The following NDUFA5 variants were observed in gnomAD, a reference collection of about 807,000 sequenced individuals.
NDUFA5 encodes the protein NADH dehydrogenase [ubiquinone] 1 alpha subcomplex subunit 5.
In NDUFA5, 11 loss-of-function variants were observed where a neutral mutation model predicts 19.8. That is an observed-to-expected ratio of 0.56 (90% CI 0.35 to 0.92). The LOEUF (loss-of-function observed/expected upper bound fraction) is 0.92, where lower values mean the gene tolerates loss of function less well. Among genes scored for constraint, NDUFA5 ranks in the 40% least tolerant of loss-of-function variants. NDUFA5 has a pLI of 0.01. For synonymous variants in NDUFA5, 47 were observed against 46.8 expected, an observed-to-expected ratio of 1.00 and a Z score of -0.01; for missense variants, 109 against 134.2, an observed-to-expected ratio of 0.81 and a Z score of 0.93.
rs929806567 is a variant in NDUFA5 at position 123,540,437 on chromosome 7, C to A, written c.*1682G>T. 1 of 152,118 alleles carries A rather than the reference C, an allele frequency of 6.6e-6. No individual in the cohort carries two copies. Among genetic ancestry groups the A allele is most frequent in the Non-Finnish European group, 1.5e-5 (1 of 68,018 alleles). The allele number at this position is 152,118 out of a possible 1,614,324, so 9.4% of individuals were successfully genotyped here. A position where few individuals can be genotyped will look rare whatever the true frequency, so the allele number is the denominator to read the frequency against. ...ATATGACAAAAACACAGCAAGCCAT[C>A]TTTGTTTCTGTGTTGTCCAAAGGAC... On this transcript the variant is annotated 3_prime_UTR_variant, in exon 5 of 5. Coordinates refer to ENST00000355749, the MANE Select transcript of NDUFA5 (RefSeq NM_005000.5).
intron 1 of NDUFA5, 88 bp downstream of exon 1, chr7:123,557,687 T>C (rs1379475549): frequency 6.2e-7 from 1 of 1,613,922 alleles, no homozygotes; most frequent in African/African-American, 1.3e-5. Flanking sequence ...CCCGCGACAG[T>C]AGGGGTCAAC....
chr7:123,591,913 T>A, the NDUFA5 span, among the ~76,000 whole-genome samples: 1 of 152,256 alleles, frequency 6.6e-6, no homozygotes, highest in Non-Finnish European at 1.5e-5. Flanking sequence ...AATTTGGCTG[T>A]GAATCCTTCT....
the NDUFA5 span, among the ~76,000 whole-genome samples, chr7:123,575,508 T>C: frequency 2.0e-5 from 3 of 152,226 alleles, no homozygotes; most frequent in South Asian, 4.1e-4. Context: ...TGTGAGGGCA[T>C]ATAACATCAA....
chr7:123,598,651 A>C, the NDUFA5 span: 1 of 152,224 alleles, frequency 6.6e-6, no homozygotes, highest in Non-Finnish European at 1.5e-5. Context: ...CACATATTTG[A>C]TGAGTGCCAA....
the NDUFA5 span, among the ~76,000 whole-genome samples, chr7:123,566,326 A>C: frequency 6.6e-6 from 1 of 152,208 alleles, no homozygotes; most frequent in South Asian, 2.1e-4. Context: ...CACTGTCAAT[A>C]CCTCTATATT....
upstream of NDUFA5, among the ~76,000 whole-genome samples, chr7:123,559,857 CAAAAA>C (rs201033454): frequency 4.3e-5 from 2 of 46,498 alleles, no homozygotes; most frequent in Non-Finnish European, 9.9e-5. Context: ...TTCCGTCTCA[CAAAAA>C]AAAAAAAAAA....
chr7:123,594,231 C>T, the NDUFA5 span, among the ~76,000 whole-genome samples: 3 of 152,234 alleles, frequency 2.0e-5, no homozygotes, highest in African/African-American at 7.2e-5. Context: ...GAACATGCTT[C>T]TTTAGCTCAG....
At chr7:123,596,505 A>C in the NDUFA5 span, 1 of 152,150 alleles carries the variant, frequency 6.6e-6, no homozygotes, top group African/African-American at 2.4e-5. Flanking sequence ...CCAGCTGCTC[A>C]GGAGGCTGAT....
chr7:123,559,380 T>G (rs1327925784), upstream of NDUFA5, among the ~76,000 whole-genome samples: 1 of 150,220 alleles, frequency 6.7e-6, no homozygotes, highest in Non-Finnish European at 1.5e-5. Flanking sequence ...TAAATTCCAC[T>G]GAACAATTAA....
the NDUFA5 span, among the ~76,000 whole-genome samples, chr7:123,596,657 A>G: frequency 6.6e-6 from 1 of 152,128 alleles, no homozygotes; most frequent in African/African-American, 2.4e-5. Context: ...AAAGAGAAAA[A>G]GAAAAATTTG....
In NDUFA5 at chr7:123,540,859, T is replaced by TC. The variant is rs1491440624; in HGVS notation, c.*1259dup. On this transcript the variant is annotated 3_prime_UTR_variant, in exon 5 of 5. Transcript: ENST00000355749. ...GAAAGAAGGAAAAATACCATTTTTTTCTCATTCTGAGCAAATGTGCGCATG... is the reference window on the plus strand; with the variant it reads ...GAAAGAAGGAAAAATACCATTTTTTTCCTCATTCTGAGCAAATGTGCGCATG... The TC allele has an allele frequency of 1.4e-4, 21 of 150,904 alleles. No homozygotes were observed. Among genetic ancestry groups the TC allele is most frequent in the African/African-American group, 5.1e-4 (21 of 40,796 alleles). The allele number at this position is 150,904 out of a possible 1,614,324, so 9.3% of individuals were successfully genotyped here.
At chr7:123,548,256 G>A (rs1798206276) in intron 3 of NDUFA5, among the ~76,000 whole-genome samples, 4 of 152,156 alleles carry the variant, frequency 2.6e-5, no homozygotes, top group Admixed American at 2.6e-4. Context: ...CAACTGTTAA[G>A]TGTTTGGGGT....
chr7:123,545,984 CCT>C (rs1049597658), intron 3 of NDUFA5, among the ~76,000 whole-genome samples: 1 of 151,958 alleles, frequency 6.6e-6, no homozygotes, highest in Admixed American at 6.6e-5. Context: ...TCCTGTATTT[CCT>C]CTGAGAGCAT....
the NDUFA5 span, chr7:123,584,870 AGAG>A: frequency 6.6e-6 from 1 of 151,954 alleles, no homozygotes; most frequent in Non-Finnish European, 1.5e-5. Context: ...TTCCTGGGTG[AGAG>A]TCAATATTTT....
the NDUFA5 span, among the ~76,000 whole-genome samples, chr7:123,587,408 T>A: frequency 6.6e-6 from 1 of 151,774 alleles, no homozygotes; most frequent in Non-Finnish European, 1.5e-5. Context: ...CCTGCAACTT[T>A]ACTGTAATTG....
At chr7:123,579,581 T>G in the NDUFA5 span, among the ~76,000 whole-genome samples, 1 of 152,064 alleles carries the variant, frequency 6.6e-6, no homozygotes, top group African/African-American at 2.4e-5. Flanking sequence ...AATAGATAAT[T>G]GCAGTCAAAA....
chr7:123,545,916 T>G (rs1307506695), intron 3 of NDUFA5: 2 of 377,004 alleles, frequency 5.3e-6, no homozygotes, highest in African/African-American at 4.3e-5. Context: ...AGAAATACAA[T>G]GTCAAATTCA....
intron 3 of NDUFA5, among the ~76,000 whole-genome samples, chr7:123,547,834 C>A (rs1798190438): frequency 6.6e-6 from 1 of 152,088 alleles, no homozygotes; most frequent in Admixed American, 6.5e-5. Context: ...TGCTATTAAA[C>A]TTGATAAGGT....
the NDUFA5 span, among the ~76,000 whole-genome samples, chr7:123,599,844 T>C: frequency 1.3e-5 from 2 of 152,204 alleles, no homozygotes; most frequent in African/African-American, 4.8e-5. Context: ...AGTATTCAAC[T>C]AGTCCTTCAC....
Sources: gnomAD v4.1 joint callset for allele counts (sites outside exome capture counted in the v4.1 genomes callset) on GRCh38, gnomAD v4.1.1 for gene constraint, MANE v1.5 for transcripts, NCBI Gene and HGNC (gene_info 2026-07-23, HGNC 2026-07-21) for gene names.